Variants in DMD observed in about 807,000 individuals in gnomAD.
DMD encodes dystrophin, also known as mutant dystrophin.
In DMD, 63 loss-of-function variants were observed where a neutral mutation model predicts 330.1. The observed-to-expected ratio is 0.19, with a 90% confidence interval of 0.16 to 0.24. DMD has a LOEUF of 0.24. DMD is among the 10% of genes least tolerant of loss of function. The pLI is 1.00. For synonymous variants in DMD, 1,223 were observed against 959.8 expected, an observed-to-expected ratio of 1.27 and a Z score of -5.07; for missense variants, 3,344 against 2,684.1, an observed-to-expected ratio of 1.25 and a Z score of -5.43.
In DMD at chrX:32,841,976, G is replaced by A. The variant is rs1479240631; in HGVS notation, c.264+2807C>T. 3.6e-5 allele frequency among the ~76,000 whole-genome samples: 4 copies of A among 112,104 alleles called. No individual in the cohort carries two copies. In the Admixed American group the frequency reaches 3.8e-4, roughly 11 times the overall value. On this transcript the variant is annotated intron_variant, in intron 4 of 78. Transcript: ENST00000357033. ...AATATAGCAATAACTCAATTTTGAT[G>A]AAGTCCAAGTTAACTTTTCTCTTTT...
chrX:32,215,946 C>T (rs182511315), intron 44 of DMD, among the ~76,000 whole-genome samples: 196 of 112,184 alleles, frequency 1.7e-3, no homozygotes, highest in Non-Finnish European at 1.9e-3. Flanking sequence ...AAATGCTTAA[C>T]TCCTTAATAT....
At chrX:33,134,721 A>C (rs759207930) in intron 1 of DMD, among the ~76,000 whole-genome samples, 50 of 112,180 alleles carry the variant, frequency 4.5e-4, no homozygotes, top group Non-Finnish European at 7.7e-4. Flanking sequence ...ATGTACAACT[A>C]TTATTTGTCA....
Position 32,386,381 on chromosome X carries a change from T to C in DMD, c.4603A>G (p.Thr1535Ala). The C allele has an allele frequency of 8.3e-7, 1 of 1,208,479 alleles. No individual in the cohort carries two copies. Among genetic ancestry groups the C allele is most frequent in the Non-Finnish European group, 1.1e-6 (1 of 892,958 alleles). Residue 1535 changes from threonine to alanine, a missense_variant, in exon 33 of 79, where the codon ACG (threonine) becomes GCG (alanine). Physicochemically the swap from Thr to Ala is moderately conservative, Grantham distance 58. Transcript: ENST00000357033. The part of the protein sequence containing the change: ...TGRQIVQKKQ[T>A]ENPKELDERV... ...TCATCAAGTTCTTTGGGATTTTCCG[T>C]CTGCTTTTTCTGTACAATCTGACGT... is the stretch of plus-strand genomic sequence containing the variant.
At chrX:32,543,781 C>G (rs1247422564) in intron 17 of DMD, among the ~76,000 whole-genome samples, 1 of 111,304 alleles carries the variant, frequency 9.0e-6, no homozygotes, top group African/African-American at 3.3e-5. Context: ...AGTTTGAGAG[C>G]CATTTGACTG....
intron 44 of DMD, among the ~76,000 whole-genome samples, chrX:32,003,568 T>C (rs2095641366): frequency 9.0e-6 from 1 of 111,559 alleles, no homozygotes; most frequent in African/African-American, 3.3e-5. Flanking sequence ...CTATAAAAGA[T>C]AGAATTTGGG....
intron 15 of DMD, among the ~76,000 whole-genome samples, chrX:32,566,951 G>A (rs992309769): frequency 2.7e-5 from 3 of 111,968 alleles, no homozygotes; most frequent in Middle Eastern, 4.2e-3. Flanking sequence ...CTGTCTTTCC[G>A]AAACAAATGT....
intron 43 of DMD, among the ~76,000 whole-genome samples, chrX:32,231,666 T>C (rs2097169570): frequency 3.6e-5 from 4 of 111,835 alleles, no homozygotes. Context: ...CTTTCTCTAT[T>C]TTCTCTCACT....
intron 63 of DMD, among the ~76,000 whole-genome samples, chrX:31,243,344 T>G (rs1198187591): frequency 9.0e-6 from 1 of 111,617 alleles, no homozygotes; most frequent in African/African-American, 3.3e-5. Flanking sequence ...AATGGGTAGA[T>G]AATAGATCCA....
At chrX:31,671,744 T>A (rs1291254149) in intron 53 of DMD, among the ~76,000 whole-genome samples, 3 of 112,050 alleles carry the variant, frequency 2.7e-5, no homozygotes, top group Non-Finnish European at 5.6e-5. Context: ...GTAATGTTGG[T>A]AGTAATGCAC....
rs1469416288 is a variant in DMD at position 31,623,454 on chromosome X, G to C, written c.8217+4219C>G. Reference sequence around the variant, plus strand: ...AATTTTTGTATTTTTAGTAGAGACGGGGGTTTCACCTTGTGGCCAGGATGG... The same window carrying C: ...AATTTTTGTATTTTTAGTAGAGACGCGGGTTTCACCTTGTGGCCAGGATGG... On this transcript the variant is annotated intron_variant, in intron 55 of 78. Coordinates refer to ENST00000357033, the MANE Select transcript of DMD (RefSeq NM_004006.3). 3.6e-5 allele frequency among the ~76,000 whole-genome samples: 4 copies of C among 110,538 alleles called. No homozygotes were observed. In the Admixed American group the frequency reaches 3.8e-4, roughly 11 times the overall value.
intron 43 of DMD, among the ~76,000 whole-genome samples, chrX:32,256,826 T>C (rs2097301341): frequency 9.0e-6 from 1 of 110,835 alleles, no homozygotes; most frequent in Non-Finnish European, 1.9e-5. Flanking sequence ...TATTGAAGAG[T>C]GTTGAATATT....
chrX:31,261,104 A>G, intron 62 of DMD, 88 bp from the exon 63 acceptor site: 4 of 839,631 alleles, frequency 4.8e-6, no homozygotes, highest in Non-Finnish European at 7.0e-6. Flanking sequence ...TAACAACAAC[A>G]TGATTTTTGC....
At chrX:32,955,499 C>T (rs1171233965) in intron 2 of DMD, among the ~76,000 whole-genome samples, 1 of 111,274 alleles carries the variant, frequency 9.0e-6, no homozygotes, top group Non-Finnish European at 1.9e-5. Context: ...TCTGCTCACT[C>T]TGTTGATAGT....
At chrX:31,284,835 C>G (rs866336958) in intron 62 of DMD, among the ~76,000 whole-genome samples, 7 of 79,259 alleles carry the variant, frequency 8.8e-5, no homozygotes, top group South Asian at 4.7e-4. Flanking sequence ...AACACACACA[C>G]ACACACACAC....
At chrX:33,128,865 C>T (rs759508244) in intron 1 of DMD, among the ~76,000 whole-genome samples, 13 of 112,224 alleles carry the variant, frequency 1.2e-4, no homozygotes, top group Non-Finnish European at 1.7e-4. Flanking sequence ...CCTCCAGACA[C>T]ACCTTTAAAA....
chrX:32,669,676 G>A (rs952523195), intron 9 of DMD, among the ~76,000 whole-genome samples: 61 of 111,501 alleles, frequency 5.5e-4, no homozygotes, highest in African/African-American at 2.0e-3. Flanking sequence ...TATTCTGGAG[G>A]CAACCTTGAC....
chrX:32,347,773 T>C (rs1401708121), intron 38 of DMD, among the ~76,000 whole-genome samples: 2 of 111,591 alleles, frequency 1.8e-5, no homozygotes, highest in Non-Finnish European at 3.8e-5. Flanking sequence ...AAGGATGTGA[T>C]GTACAAATAT....
intron 44 of DMD, among the ~76,000 whole-genome samples, chrX:32,100,326 A>G (rs1194733930): frequency 9.2e-6 from 1 of 108,126 alleles, no homozygotes; most frequent in Non-Finnish European, 1.9e-5. Context: ...TTTTTCTCAC[A>G]TAAGTAGATG....
chrX:32,548,669 T>G (rs2049217859), intron 16 of DMD, among the ~76,000 whole-genome samples: 1 of 112,104 alleles, frequency 8.9e-6, no homozygotes, highest in African/African-American at 3.2e-5. Flanking sequence ...TATATTTCTG[T>G]ATTCCTTTAG....
Sources: gnomAD v4.1 joint callset for allele counts (sites outside exome capture counted in the v4.1 genomes callset) on GRCh38, gnomAD v4.1.1 for gene constraint, MANE v1.5 for transcripts, NCBI Gene and HGNC (gene_info 2026-07-23, HGNC 2026-07-21) for gene names.